BBOF1: variants seen among roughly 807,000 people sequenced by gnomAD.
BBOF1 encodes basal body-orientation factor 1.
BBOF1 carries 62 observed loss-of-function variants against 68.0 expected under a neutral mutation model. That is an observed-to-expected ratio of 0.91 (90% CI 0.74 to 1.13). The LOEUF is 1.13. Among genes scored for constraint, BBOF1 ranks in the 50% most tolerant of loss-of-function variants. The pLI, the probability that BBOF1 is intolerant of heterozygous loss-of-function variation, is 0.00. For missense variants in BBOF1, 534 were observed against 600.1 expected (o/e 0.89, Z 1.15); for synonymous variants, 208 against 198.8 (o/e 1.05, Z -0.39).
intron 2 of BBOF1, among the ~76,000 whole-genome samples, chr14:74,027,444 A>AGTGAT (rs1410311993): frequency 2.4e-5 from 3 of 126,480 alleles, no homozygotes; most frequent in African/African-American, 9.2e-5. Context: ...ATTTCCAAGG[A>AGTGAT]GTGATGGAGT....
chr14:74,031,091 T>C (rs2059557222), intron 3 of BBOF1, among the ~76,000 whole-genome samples: 2 of 151,672 alleles, frequency 1.3e-5, no homozygotes, highest in African/African-American at 4.8e-5. Flanking sequence ...TAGCAGTATG[T>C]AGAGACATTC....
At chr14:74,028,342 C>A (rs1488437391) in intron 2 of BBOF1, among the ~76,000 whole-genome samples, 2 of 151,938 alleles carry the variant, frequency 1.3e-5, no homozygotes, top group Non-Finnish European at 2.9e-5. Flanking sequence ...GCAGTCCAGC[C>A]TGGGCGACAG....
At chr14:74,079,429 GT>G (rs112520921) in intron 10 of BBOF1, among the ~76,000 whole-genome samples, 31,724 of 135,116 alleles carry the variant, frequency 0.23, 3,469 homozygotes, top group South Asian at 0.46. Context: ...TTTTCTTATT[GT>G]TTTTTTTTTT....
chr14:74,027,710 A>C (rs991260412), intron 2 of BBOF1, among the ~76,000 whole-genome samples: 7 of 152,130 alleles, frequency 4.6e-5, no homozygotes, highest in African/African-American at 1.4e-4. Flanking sequence ...AAAAGGATAC[A>C]TCATCACTTA....
intron 1 of BBOF1, among the ~76,000 whole-genome samples, chr14:74,020,724 G>A (rs530350991): frequency 1.4e-4 from 21 of 152,076 alleles, no homozygotes; most frequent in Admixed American, 6.5e-5. Flanking sequence ...GGCTGGTCTC[G>A]AACTCCTGAC....
intron 9 of BBOF1, among the ~76,000 whole-genome samples, chr14:74,077,187 C>T (rs2060621830): frequency 6.6e-6 from 1 of 152,112 alleles, no homozygotes; most frequent in Non-Finnish European, 1.5e-5. Flanking sequence ...CAATATAGTA[C>T]TCGGTAGGTA....
intron 2 of BBOF1, among the ~76,000 whole-genome samples, chr14:74,028,667 T>C (rs1006773486): frequency 1.3e-5 from 2 of 151,692 alleles, no homozygotes; most frequent in African/African-American, 4.8e-5. Flanking sequence ...CTTGAGCCCA[T>C]GACTTTGAGA....
At chr14:74,067,272 T>A (rs549772979), downstream of BBOF1, 14 of 1,282,024 alleles carry the variant, frequency 1.1e-5, no homozygotes, top group Non-Finnish European at 1.6e-5. Flanking sequence ...AGAGAGGAAA[T>A]GGCAAGAATA....
chr14:74,040,903 C>T (rs1404729930), intron 5 of BBOF1: 7 of 458,900 alleles, frequency 1.5e-5, no homozygotes, highest in Non-Finnish European at 2.3e-5. Flanking sequence ...CTTGATACTC[C>T]CCTGGTGAGA....
At chr14:74,040,821 C>G (rs2059811760) in intron 5 of BBOF1, 176 bp downstream of exon 5, 1 of 542,222 alleles carries the variant, frequency 1.8e-6, no homozygotes, top group South Asian at 2.9e-5. Flanking sequence ...ATCTCAATAT[C>G]TAGTCCTTGT....
intron 9 of BBOF1, among the ~76,000 whole-genome samples, chr14:74,076,199 AATTTT>A (rs201389160): frequency 0.01 from 1,558 of 152,322 alleles, 32 homozygotes; most frequent in African/African-American, 0.036. Flanking sequence ...GTTTTGTGTC[AATTTT>A]ATTTTAATAA....
At chr14:74,022,857 A>T (rs1285384334) in intron 1 of BBOF1, 59 bp from the exon 2 acceptor site, 18 of 854,402 alleles carry the variant, frequency 2.1e-5, no homozygotes, top group African/African-American at 3.4e-5. Context: ...GTTATATACT[A>T]TCTGCATATT....
chr14:74,074,875 A>G, intron 9 of BBOF1: 4 of 1,405,454 alleles, frequency 2.8e-6, no homozygotes, highest in Non-Finnish European at 4.0e-6. Context: ...TCTGATGACA[A>G]TTATGTAAAG....
rs991291497 is a variant in BBOF1 at position 74,027,306 on chromosome 14, C to T, written c.286-1878C>T. Among the ~76,000 whole-genome samples the T allele has an allele frequency of 2.0e-5, 3 of 149,090 alleles. No homozygotes were observed. The Admixed American group carries it at 2.0e-4, about 10-fold the overall frequency. On this transcript the variant is annotated intron_variant, in intron 2 of 11. Coordinates refer to ENST00000394009, the MANE Select transcript of BBOF1 (RefSeq NM_025057.3). ...TTCACTGTGCTGGCCAGGTTGGTCT[C>T]GAACTCCTGACCTCAGGTGATCTAC...
At chr14:74,044,698 G>C (rs1025328936) in intron 5 of BBOF1, among the ~76,000 whole-genome samples, 2 of 152,044 alleles carry the variant, frequency 1.3e-5, no homozygotes, top group African/African-American at 2.4e-5. Context: ...GGCTGAGGCG[G>C]GTGGATCACC....
chr14:74,078,046 T>C (rs960752276), intron 9 of BBOF1: 2 of 371,644 alleles, frequency 5.4e-6, no homozygotes, highest in Admixed American at 3.3e-5. Flanking sequence ...AAGACCAGCT[T>C]GGGGAACATA....
chr14:74,063,166 G>A (rs777929486), intron 11 of BBOF1, among the ~76,000 whole-genome samples: 1 of 151,538 alleles, frequency 6.6e-6, no homozygotes, highest in Non-Finnish European at 1.5e-5. Flanking sequence ...CCTGTTGGCC[G>A]ATGTGGCAAT....
intron 6 of BBOF1, among the ~76,000 whole-genome samples, 158 bp from the exon 7 acceptor site, chr14:74,047,772 A>G (rs2059983254): frequency 6.6e-6 from 1 of 152,140 alleles, no homozygotes; most frequent in Admixed American, 6.6e-5. Context: ...AAACTTAATT[A>G]CAAGATTCCC....
chr14:74,066,636 A>T, downstream of BBOF1: 1 of 1,401,066 alleles, frequency 7.1e-7, no homozygotes, highest in Non-Finnish European at 1.0e-6. Flanking sequence ...TTAATAAATT[A>T]GAGGGATGAG....
Sources: gnomAD v4.1 joint callset for allele counts (sites outside exome capture counted in the v4.1 genomes callset) on GRCh38, gnomAD v4.1.1 for gene constraint, MANE v1.5 for transcripts, NCBI Gene and HGNC (gene_info 2026-07-23, HGNC 2026-07-21) for gene names.